Variants in AGFG1 observed in about 807,000 individuals in gnomAD.
AGFG1 encodes the protein ArfGAP with FG repeats 1, also known as arf-GAP domain and FG repeat-containing protein 1.
A neutral mutation model predicts 60.6 loss-of-function variants in AGFG1; 10 were observed. That is an observed-to-expected ratio of 0.16 (90% CI 0.10 to 0.28). The LOEUF (loss-of-function observed/expected upper bound fraction) is 0.28, where lower values mean the gene tolerates loss of function less well. AGFG1 is among the 10% of genes least tolerant of loss of function. AGFG1 has a pLI of 1.00. For synonymous variants in AGFG1, 247 were observed against 242.9 expected (o/e 1.02, Z -0.16); for missense variants, 537 against 676.5 (o/e 0.79, Z 2.29).
At chr2:227,472,957 TGGG>T (rs1028192835) in intron 1 of AGFG1, among the ~76,000 whole-genome samples, 2 of 70,188 alleles carry the variant, frequency 2.8e-5, no homozygotes, top group Non-Finnish European at 6.0e-5. Flanking sequence ...CGCCGGGCTG[TGGG>T]GGGTGGGGGA....
intron 1 of AGFG1, among the ~76,000 whole-genome samples, chr2:227,482,175 C>CT (rs1363676612): frequency 6.6e-6 from 1 of 152,100 alleles, no homozygotes; most frequent in Non-Finnish European, 1.5e-5. Flanking sequence ...TTGTCCACTA[C>CT]TTTTAACTAG....
In AGFG1 at chr2:227,554,542, A is replaced by T; in HGVS notation, c.*47A>T. On this transcript the variant is annotated 3_prime_UTR_variant, in exon 13 of 13. Coordinates refer to ENST00000310078, the MANE Select transcript of AGFG1 (RefSeq NM_004504.5). ...GAACGAACTTTTATGTGGTCACATT[A>T]CATCTCTCCACCTCTTGCACTGTTG... 7.0e-7 allele frequency: 1 copy of T among 1,431,508 alleles called. No individual in the cohort carries two copies. The highest frequency in any genetic ancestry group is 9.8e-7 in the Non-Finnish European group (1 of 1,018,914). The allele number at this position is 1,431,508 out of a possible 1,614,324, so 88.7% of individuals were successfully genotyped here. A position where few individuals can be genotyped will look rare whatever the true frequency, so the allele number is the denominator to read the frequency against.
At chr2:227,527,465 G>T (rs562174747) in intron 5 of AGFG1, among the ~76,000 whole-genome samples, 7 of 152,274 alleles carry the variant, frequency 4.6e-5, no homozygotes, top group Non-Finnish European at 8.8e-5. Context: ...TAATGTTTCA[G>T]TCTTAGTTAA....
chr2:227,509,937 G>C (rs755065837), intron 2 of AGFG1, among the ~76,000 whole-genome samples: 3 of 152,144 alleles, frequency 2.0e-5, no homozygotes, highest in Non-Finnish European at 2.9e-5. Flanking sequence ...AAGGAAACTC[G>C]TGAAAGGCAG....
intron 2 of AGFG1, among the ~76,000 whole-genome samples, chr2:227,506,965 C>T (rs1159324098): frequency 6.6e-6 from 1 of 152,080 alleles, no homozygotes; most frequent in African/African-American, 2.4e-5. Flanking sequence ...TGGGAAAGAT[C>T]CACTATTTCA....
chr2:227,560,827 C>A lies in AGFG1; in HGVS notation c.*6332C>A, dbSNP rs902992601. 6.6e-6 allele frequency: 1 copy of A among 152,084 alleles called. No individual in the cohort carries two copies. The highest frequency in any genetic ancestry group is 2.4e-5 in the African/African-American group (1 of 41,436). 9.4% of individuals were successfully genotyped at this position (152,084 alleles called of 1,614,324 possible). On this transcript the variant is annotated 3_prime_UTR_variant, in exon 13 of 13. Transcript: ENST00000310078. ...GGAGCTCAGAAATTTCTTAACATGT[C>A]TTTGCTGTTAGTCAAGCACAGGATT...
intron 2 of AGFG1, among the ~76,000 whole-genome samples, chr2:227,499,406 G>A (rs1691080269): frequency 6.6e-6 from 1 of 152,050 alleles, no homozygotes; most frequent in East Asian, 1.9e-4. Flanking sequence ...TTGGGAGGCT[G>A]AGGCAGGCAG....
chr2:227,512,411 C>A (rs1265264811), intron 2 of AGFG1, among the ~76,000 whole-genome samples: 1 of 152,138 alleles, frequency 6.6e-6, no homozygotes, highest in Admixed American at 6.5e-5. Context: ...GTCAGAAATA[C>A]TAATCAGCTG....
At chr2:227,535,301 C>A (rs1363952540) in intron 8 of AGFG1, among the ~76,000 whole-genome samples, 2 of 152,166 alleles carry the variant, frequency 1.3e-5, no homozygotes, top group Admixed American at 1.3e-4. Flanking sequence ...TGGACAGTTC[C>A]TTACAGATTG....
chr2:227,509,887 A>T (rs942511274), intron 2 of AGFG1, among the ~76,000 whole-genome samples: 4 of 152,212 alleles, frequency 2.6e-5, no homozygotes, highest in African/African-American at 9.7e-5. Flanking sequence ...CAATGGAAGA[A>T]GTCACAAAGT....
At chr2:227,529,214 G>A (rs1018769390) in intron 5 of AGFG1, among the ~76,000 whole-genome samples, 2 of 152,060 alleles carry the variant, frequency 1.3e-5, no homozygotes, top group African/African-American at 4.8e-5. Context: ...TAAATACTAG[G>A]TCATGGTTTA....
At chr2:227,478,276 A>G (rs1690345589) in intron 1 of AGFG1, among the ~76,000 whole-genome samples, 1 of 150,942 alleles carries the variant, frequency 6.6e-6, no homozygotes, top group African/African-American at 2.4e-5. Context: ...ACATACATAT[A>G]CATGTATCTA....
chr2:227,536,551 A>T, intron 8 of AGFG1, 74 bp from the exon 9 acceptor site: 2 of 1,264,910 alleles, frequency 1.6e-6, no homozygotes, highest in Non-Finnish European at 2.3e-6. Flanking sequence ...TCATTATTTT[A>T]TGGCTACCCT....
chr2:227,544,779 A>G (rs1028706522), intron 10 of AGFG1, among the ~76,000 whole-genome samples: 4 of 152,102 alleles, frequency 2.6e-5, no homozygotes, highest in East Asian at 3.9e-4. Flanking sequence ...AATGTTGAAT[A>G]TTGGCCACCA....
chr2:227,523,653 A>T, intron 3 of AGFG1, 110 bp from the exon 4 acceptor site: 1 of 1,095,122 alleles, frequency 9.1e-7, no homozygotes, highest in Non-Finnish European at 1.3e-6. Flanking sequence ...GGGTTTTCAG[A>T]TAAGATTAAT....
chr2:227,492,760 G>C (rs965080632), intron 2 of AGFG1, among the ~76,000 whole-genome samples: 4 of 152,052 alleles, frequency 2.6e-5, no homozygotes, highest in African/African-American at 4.8e-5. Context: ...TGAGTATTCA[G>C]ATTCCAGACT....
At position 227,472,547 on chromosome 2, in the gene AGFG1, G is replaced by A; in HGVS notation, c.126G>A (p.Met42Ile). 6.3e-7 allele frequency: 1 copy of A among 1,581,804 alleles called. No individual in the cohort carries two copies. Among genetic ancestry groups the A allele is most frequent in the Non-Finnish European group, 8.6e-7 (1 of 1,163,712 alleles). The change falls in exon 1 of 13, where the codon ATG (methionine) becomes ATA (isoleucine). Residue 42 changes from methionine (M) to isoleucine (I), a missense_variant. Met to Ile is a conservative substitution (Grantham distance 10, BLOSUM62 1). Transcript: ENST00000310078. ...AGCGCGGCCCCACCTACGTTAACAT[G>A]ACGGTCGGCTCCTTCGTGTGTACCT... Reference protein sequence around the residue: ...CDQRGPTYVNMTVGSFVCTSC... With the variant: ...CDQRGPTYVNITVGSFVCTSC...
chr2:227,481,036 T>G (rs1481042600), intron 1 of AGFG1, among the ~76,000 whole-genome samples: 1 of 152,054 alleles, frequency 6.6e-6, no homozygotes, highest in Non-Finnish European at 1.5e-5. Context: ...CTTCTTTTCT[T>G]CCTGCTGTTC....
chr2:227,541,771 A>G (rs1271972001), intron 10 of AGFG1, among the ~76,000 whole-genome samples: 2 of 152,126 alleles, frequency 1.3e-5, no homozygotes, highest in South Asian at 2.1e-4. Flanking sequence ...CATTGAATCT[A>G]TAAATTACCT....
Sources: gnomAD v4.1 joint callset for allele counts (sites outside exome capture counted in the v4.1 genomes callset) on GRCh38, gnomAD v4.1.1 for gene constraint, MANE v1.5 for transcripts, NCBI Gene and HGNC (gene_info 2026-07-23, HGNC 2026-07-21) for gene names.